Variants in RBFOX2 observed in about 807,000 individuals in gnomAD.
The protein encoded by RBFOX2 is RNA binding protein fox-1 homolog 2.
RBFOX2 carries 10 observed loss-of-function variants against 49.1 expected under a neutral mutation model. The observed-to-expected ratio is 0.20, with a 90% confidence interval of 0.13 to 0.35. The LOEUF (loss-of-function observed/expected upper bound fraction) is 0.35. RBFOX2 is among the 10% of genes least tolerant of loss of function. The pLI, the probability that RBFOX2 is intolerant of heterozygous loss-of-function variation, is 1.00. For synonymous variants in RBFOX2, 183 were observed against 187.4 expected, an observed-to-expected ratio of 0.98 and a Z score of 0.19; for missense variants, 323 against 486.9, an observed-to-expected ratio of 0.66 and a Z score of 3.17.
intron 1 of RBFOX2, among the ~76,000 whole-genome samples, chr22:36,026,746 A>C (rs1274253785): frequency 6.6e-6 from 1 of 152,244 alleles, no homozygotes; most frequent in African/African-American, 2.4e-5. Context: ...AAAAGCAGGC[A>C]AACAAAACAA....
chr22:35,895,954 G>C (rs1395877464), intron 1 of RBFOX2, among the ~76,000 whole-genome samples: 1 of 152,132 alleles, frequency 6.6e-6, no homozygotes, highest in African/African-American at 2.4e-5. Context: ...ATGCCCAGTG[G>C]TGAACAAGTA....
intron 1 of RBFOX2, among the ~76,000 whole-genome samples, chr22:35,819,757 C>A (rs117005627): frequency 6.6e-6 from 1 of 152,054 alleles, no homozygotes; most frequent in Non-Finnish European, 1.5e-5. Context: ...TAGGAAGAGA[C>A]AAATAATAAA....
At position 36,002,862 on chromosome 22, in the gene RBFOX2, A is replaced by G. The variant is rs143883913; in HGVS notation, c.186+25378T>C. 2.6e-3 allele frequency among the ~76,000 whole-genome samples: 398 copies of G among 152,326 alleles called. 5 individuals are homozygous for G. Among genetic ancestry groups the G allele is most frequent in the African/African-American group, 9.4e-3 (389 of 41,568 alleles). ...GCTGGTCTCAAACTTCTGACCTCAG[A>G]TGATCCCCCCACCTTGGCCTCCCAA... is the stretch of plus-strand genomic sequence containing the variant. On this transcript the variant is annotated intron_variant, in intron 1 of 13. Transcript: ENST00000438146.
chr22:35,945,658 G>A (rs2054197835), intron 1 of RBFOX2, among the ~76,000 whole-genome samples: 1 of 152,094 alleles, frequency 6.6e-6, no homozygotes, highest in Admixed American at 6.6e-5. Context: ...GCACAGACTG[G>A]TCTCAAACTC....
At chr22:35,950,799 A>C (rs1402011568) in intron 1 of RBFOX2, among the ~76,000 whole-genome samples, 1 of 152,012 alleles carries the variant, frequency 6.6e-6, no homozygotes, top group Non-Finnish European at 1.5e-5. Context: ...GTAGCTGCTT[A>C]GCTGCTATTA....
upstream of RBFOX2, among the ~76,000 whole-genome samples, chr22:35,942,648 G>A (rs561177340): frequency 1.3e-5 from 2 of 150,460 alleles, no homozygotes; most frequent in South Asian, 4.2e-4. Flanking sequence ...TAGCTACACA[G>A]AAGGCTCAGG....
At chr22:35,866,284 T>C (rs1391921744) in intron 1 of RBFOX2, among the ~76,000 whole-genome samples, 1 of 152,194 alleles carries the variant, frequency 6.6e-6, no homozygotes, top group Non-Finnish European at 1.5e-5. Flanking sequence ...TTTTAATTCC[T>C]AAAATAAACA....
intron 1 of RBFOX2, among the ~76,000 whole-genome samples, chr22:35,904,337 A>C (rs2048899083): frequency 6.6e-6 from 1 of 152,132 alleles, no homozygotes; most frequent in Non-Finnish European, 1.5e-5. Context: ...AGATTTCTCC[A>C]TTAGAAAGTA....
chr22:35,769,702 C>T (rs1459968610), intron 4 of RBFOX2, among the ~76,000 whole-genome samples: 1 of 152,070 alleles, frequency 6.6e-6, no homozygotes, highest in African/African-American at 2.4e-5. Flanking sequence ...GAAGTTCTGC[C>T]TAGCTGCTTA....
intron 1 of RBFOX2, chr22:35,898,404 T>A: frequency 6.3e-6 from 3 of 479,848 alleles, no homozygotes; most frequent in African/African-American, 2.0e-5. Flanking sequence ...GCGGCCGCCA[T>A]CTTCTCCCAC....
At chr22:35,885,843 A>ATTTTTTTTTT (rs538674450) in intron 1 of RBFOX2, among the ~76,000 whole-genome samples, 4 of 83,152 alleles carry the variant, frequency 4.8e-5, no homozygotes, top group African/African-American at 1.1e-4. Context: ...CCCAAACCTA[A>ATTTTTTTTTT]TTTTTTTTTT....
rs368460878 is a variant in RBFOX2 at position 35,746,475 on chromosome 22, G to T, written c.974C>A (p.Thr325Lys). Residue 325 changes from threonine (T) to lysine (K), a missense_variant and splice_region_variant, in exon 10 of 12, where the codon ACG becomes AAG. Thr to Lys is a moderately conservative substitution (Grantham distance 78, BLOSUM62 -1). Coordinates refer to ENST00000405409, the Ensembl canonical transcript of RBFOX2. ...CTCACCACTGTCTCTGTACATACCCGTCACTGTAAGCGGCTGCAGCGGCTG... is the reference window on the plus strand; with the variant it reads ...CTCACCACTGTCTCTGTACATACCCTTCACTGTAAGCGGCTGCAGCGGCTG... 8 of 1,596,738 alleles carry T rather than the reference G, an allele frequency of 5.0e-6. No individual in the cohort carries two copies. Among genetic ancestry groups the T allele is most frequent in the Non-Finnish European group, 6.8e-6 (8 of 1,168,686 alleles).
At chr22:35,817,982 ACAC>A (rs1380515242) in intron 1 of RBFOX2, among the ~76,000 whole-genome samples, 3 of 148,820 alleles carry the variant, frequency 2.0e-5, no homozygotes, top group Non-Finnish European at 4.4e-5. Flanking sequence ...ACACACACAC[ACAC>A]CCCTCTTCTG....
chr22:35,821,670 G>A, intron 1 of RBFOX2: 1 of 504,670 alleles, frequency 2.0e-6, no homozygotes, highest in South Asian at 1.4e-5. Context: ...AGTCCTTTGA[G>A]GACTGACCTT....
intron 1 of RBFOX2, among the ~76,000 whole-genome samples, chr22:35,888,184 CCACCACATA>C (rs2046820301): frequency 6.6e-6 from 1 of 152,174 alleles, no homozygotes; most frequent in South Asian, 2.1e-4. Flanking sequence ...AACTGACTCG[CCACCACATA>C]CATCAAATTT....
At chr22:35,800,826 T>G (rs573535941) in intron 2 of RBFOX2, among the ~76,000 whole-genome samples, 2 of 152,270 alleles carry the variant, frequency 1.3e-5, no homozygotes, top group African/African-American at 4.8e-5. Flanking sequence ...AAGACAAAAG[T>G]CAATTTAAAA....
chr22:35,860,170 C>CATTG (rs1017352352), intron 1 of RBFOX2, among the ~76,000 whole-genome samples: 6 of 152,138 alleles, frequency 3.9e-5, no homozygotes, highest in African/African-American at 9.7e-5. Context: ...TTGTGACTCA[C>CATTG]ATTGGTCTTG....
chr22:35,763,726 G>A (rs1939801316), intron 6 of RBFOX2, among the ~76,000 whole-genome samples: 1 of 152,154 alleles, frequency 6.6e-6, no homozygotes, highest in Non-Finnish European at 1.5e-5. Flanking sequence ...GCAATCTGAG[G>A]TCAATACTAT....
At chr22:35,814,710 C>CA (rs55971445) in intron 1 of RBFOX2, among the ~76,000 whole-genome samples, 3,557 of 30,898 alleles carry the variant, frequency 0.12, 533 homozygotes, top group African/African-American at 0.27. Context: ...AACCCTGTCT[C>CA]AAAAAAAAAA....
Sources: allele counts gnomAD v4.1 joint callset (sites outside exome capture counted in the v4.1 genomes callset), GRCh38; gene constraint gnomAD v4.1.1; transcripts MANE v1.5; gene names NCBI Gene and HGNC (gene_info 2026-07-23, HGNC 2026-07-21).